Variants in GLRA3 observed in about 807,000 individuals in gnomAD.
The protein encoded by GLRA3 is glycine receptor subunit alpha-3.
Under a neutral mutation model 60.4 loss-of-function variants are expected in GLRA3, and 44 were observed. That is an observed-to-expected ratio of 0.73 (90% confidence interval 0.57 to 0.94). The LOEUF is 0.94. Ranked by LOEUF, GLRA3 falls within the 40% of genes least tolerant of loss-of-function variation. GLRA3 has a pLI of 0.00. For synonymous variants in GLRA3, 223 were observed against 192.9 expected (o/e 1.16, Z -1.29); for missense variants, 508 against 564.6 (o/e 0.90, Z 1.02).
chr4:174,696,813 T>C (rs1030351423), intron 5 of GLRA3, among the ~76,000 whole-genome samples: 1 of 151,986 alleles, frequency 6.6e-6, no homozygotes, highest in Non-Finnish European at 1.5e-5. Context: ...CACAAATGCA[T>C]ATGTATGACA....
chr4:174,744,980 C>T (rs1298788430), intron 3 of GLRA3, among the ~76,000 whole-genome samples: 1 of 152,118 alleles, frequency 6.6e-6, no homozygotes, highest in Non-Finnish European at 1.5e-5. Flanking sequence ...AACACAAATT[C>T]TGTAACTGAA....
Position 174,671,556 on chromosome 4 carries a change from TTATATTTTCTAATAGTTATAA to T in GLRA3, c.927+5501_927+5521del, listed in dbSNP as rs144567440. Among the ~76,000 whole-genome samples, 932 of 152,324 alleles carry T rather than the reference TTATATTTTCTAATAGTTATAA, an allele frequency of 6.1e-3. 12 individuals are homozygous for T. The highest frequency in any genetic ancestry group is 0.01 in the Non-Finnish European group (706 of 68,018). On this transcript the variant is annotated intron_variant, in intron 7 of 9. Transcript: ENST00000274093. ...TGTTCAAAAAATGTATCAGTTCAAT[TTATATTTTCTAATAGTTATAA>T]TCATTTTTAAAATTGGTGTTATGAA...
chr4:174,779,005 A>C (rs1020406646), intron 2 of GLRA3, among the ~76,000 whole-genome samples: 3 of 152,128 alleles, frequency 2.0e-5, no homozygotes, highest in African/African-American at 4.8e-5. Context: ...TGTAGGCTCC[A>C]CCTCTGGGGG....
chr4:174,758,580 C>G (rs1286000215), intron 3 of GLRA3, among the ~76,000 whole-genome samples: 1 of 151,984 alleles, frequency 6.6e-6, no homozygotes, highest in Non-Finnish European at 1.5e-5. Context: ...GATAACGGGA[C>G]AGAAAAATAA....
intron 2 of GLRA3, among the ~76,000 whole-genome samples, chr4:174,767,378 C>T (rs1178284281): frequency 3.3e-5 from 5 of 151,996 alleles, no homozygotes; most frequent in Middle Eastern, 3.2e-3. Flanking sequence ...ATGGGCTATA[C>T]TTTTCTATTT....
intron 1 of GLRA3, among the ~76,000 whole-genome samples, chr4:174,827,775 T>C (rs1269533097): frequency 6.6e-6 from 1 of 152,002 alleles, no homozygotes; most frequent in Non-Finnish European, 1.5e-5. Context: ...AGCCCAAAGA[T>C]GAAAAATCGA....
chr4:174,755,051 A>T (rs955730527), intron 3 of GLRA3, among the ~76,000 whole-genome samples: 1 of 152,136 alleles, frequency 6.6e-6, no homozygotes, highest in African/African-American at 2.4e-5. Context: ...TAGCTGCTTA[A>T]TTCATATTTT....
chr4:174,758,357 A>G (rs1737803209), intron 3 of GLRA3, among the ~76,000 whole-genome samples: 2 of 152,194 alleles, frequency 1.3e-5, no homozygotes, highest in South Asian at 4.1e-4. Context: ...AAAAGTAATG[A>G]GAGTGGTACT....
At position 174,798,875 on chromosome 4, in the gene GLRA3, A is replaced by C. The variant is rs547735426; in HGVS notation, c.72-9932T>G. Among the ~76,000 whole-genome samples, 27 of 152,102 alleles carry C rather than the reference A, an allele frequency of 1.8e-4. No individual in the cohort carries two copies. The East Asian group carries it at 3.3e-3, about 19-fold the overall frequency. On this transcript the variant is annotated intron_variant, in intron 1 of 9. Transcript: ENST00000274093. The stretch of plus-strand genomic sequence containing the variant: ...GGCGGAGCTTGCAGTGAGCCGAGAT[A>C]GCACCACTGCACTCCAGCCTGGGCG...
intron 9 of GLRA3, among the ~76,000 whole-genome samples, chr4:174,653,438 A>G (rs1207675026): frequency 6.6e-6 from 1 of 151,958 alleles, no homozygotes; most frequent in Non-Finnish European, 1.5e-5. Flanking sequence ...GTCAATCGTT[A>G]ATATAAAATT....
chr4:174,681,648 T>C (rs1734348972), intron 6 of GLRA3, among the ~76,000 whole-genome samples: 1 of 152,152 alleles, frequency 6.6e-6, no homozygotes. Context: ...AGCACGGCCC[T>C]GCTGACACCT....
Position 174,642,775 on chromosome 4 carries a change from C to T in GLRA3, c.*1011G>A, listed in dbSNP as rs1579375617. On this transcript the variant is annotated 3_prime_UTR_variant, in exon 10 of 10. Coordinates refer to ENST00000274093, the MANE Select transcript of GLRA3 (RefSeq NM_006529.4). ...GAGATAGGAGTTGAGACCCATAAAA[C>T]ATTGATGGGAAAATGGTTTTTATTA... is the stretch of plus-strand genomic sequence containing the variant. 1 of 784,848 alleles carries T rather than the reference C, an allele frequency of 1.3e-6. No individual in the cohort carries two copies. Among genetic ancestry groups the T allele is most frequent in the Non-Finnish European group, 1.5e-6 (1 of 647,118 alleles). 48.6% of individuals were successfully genotyped at this position (784,848 alleles called of 1,614,324 possible).
intron 7 of GLRA3, among the ~76,000 whole-genome samples, chr4:174,660,224 C>T (rs1252196712): frequency 6.6e-6 from 1 of 152,050 alleles, no homozygotes; most frequent in African/African-American, 2.4e-5. Flanking sequence ...CTCAAGAATG[C>T]CCTTTTTAAT....
At chr4:174,788,748 A>T in intron 2 of GLRA3, 68 bp downstream of exon 2, 4 of 1,013,592 alleles carry the variant, frequency 3.9e-6, no homozygotes, top group Non-Finnish European at 5.5e-6. Context: ...TGGTGGAATT[A>T]ATTTAAAACT....
chr4:174,656,113 T>A (rs1733190285), intron 9 of GLRA3, among the ~76,000 whole-genome samples: 1 of 152,122 alleles, frequency 6.6e-6, no homozygotes, highest in Non-Finnish European at 1.5e-5. Context: ...TTAAACCACG[T>A]ACAGACCCAA....
intron 1 of GLRA3, among the ~76,000 whole-genome samples, chr4:174,816,178 G>A (rs1740493379): frequency 6.6e-6 from 1 of 152,076 alleles, no homozygotes; most frequent in Non-Finnish European, 1.5e-5. Flanking sequence ...GATGGGGGAG[G>A]ACTTCTCCTC....
At chr4:174,758,486 T>G (rs1737811797) in intron 3 of GLRA3, among the ~76,000 whole-genome samples, 1 of 152,116 alleles carries the variant, frequency 6.6e-6, no homozygotes, top group African/African-American at 2.4e-5. Context: ...AGGTTGAGGT[T>G]ATAAAAATAA....
At chr4:174,774,978 TGTTA>T (rs1233269065) in intron 2 of GLRA3, among the ~76,000 whole-genome samples, 1 of 152,200 alleles carries the variant, frequency 6.6e-6, no homozygotes, top group Non-Finnish European at 1.5e-5. Context: ...GTAACACTTC[TGTTA>T]GTTTGAGATT....
intron 1 of GLRA3, among the ~76,000 whole-genome samples, chr4:174,818,298 T>C (rs907113846): frequency 1.3e-5 from 2 of 152,222 alleles, no homozygotes; most frequent in Non-Finnish European, 2.9e-5. Context: ...TGAAATTTAA[T>C]TCTGATTTTT....
Sources: allele counts gnomAD v4.1 joint callset (sites outside exome capture counted in the v4.1 genomes callset), GRCh38; gene constraint gnomAD v4.1.1; transcripts MANE v1.5; gene names NCBI Gene and HGNC (gene_info 2026-07-23, HGNC 2026-07-21).